Variants in STK39 observed in about 807,000 individuals in gnomAD.
The protein encoded by STK39 is serine/threonine kinase 39, also known as STE20/SPS1-related proline-alanine-rich protein kinase.
STK39 carries 20 observed loss-of-function variants against 77.8 expected under a neutral mutation model. That is an observed-to-expected ratio of 0.26 (90% CI 0.18 to 0.37). STK39 has a LOEUF of 0.37. STK39 is among the 10% of genes least tolerant of loss of function. The pLI, the probability that STK39 is intolerant of heterozygous loss-of-function variation, is 1.00. For synonymous variants in STK39, 246 were observed against 234.1 expected, an observed-to-expected ratio of 1.05 and a Z score of -0.47; for missense variants, 479 against 656.5, an observed-to-expected ratio of 0.73 and a Z score of 2.95.
At chr2:168,158,713 T>C (rs1688497168) in intron 5 of STK39, among the ~76,000 whole-genome samples, 1 of 152,214 alleles carries the variant, frequency 6.6e-6, no homozygotes, top group Non-Finnish European at 1.5e-5. Context: ...CACTGTAATT[T>C]AGTTTCTCCT....
chr2:168,132,314 G>C (rs923840606), intron 8 of STK39, among the ~76,000 whole-genome samples: 1 of 151,922 alleles, frequency 6.6e-6, no homozygotes, highest in African/African-American at 2.4e-5. Context: ...AAATAAAACA[G>C]CCCCTCAGCT....
intron 3 of STK39, 148 bp from the exon 4 acceptor site, chr2:168,164,028 G>A: frequency 8.1e-7 from 1 of 1,229,622 alleles, no homozygotes; most frequent in Non-Finnish European, 1.1e-6. Flanking sequence ...CAATTGAATG[G>A]GGGCCCCATG....
At chr2:168,177,012 C>A (rs1688971488) in intron 2 of STK39, among the ~76,000 whole-genome samples, 1 of 152,084 alleles carries the variant, frequency 6.6e-6, no homozygotes, top group East Asian at 1.9e-4. Flanking sequence ...AAATAAGGAC[C>A]AGTGGTGAAA....
intron 3 of STK39, among the ~76,000 whole-genome samples, chr2:168,165,473 T>C (rs1688672317): frequency 6.6e-6 from 1 of 152,174 alleles, no homozygotes; most frequent in Admixed American, 6.5e-5. Flanking sequence ...AAAAAGAGAA[T>C]GCCTTAAGAT....
intron 17 of STK39, among the ~76,000 whole-genome samples, chr2:167,956,090 C>A (rs1473762377): frequency 6.6e-6 from 1 of 152,108 alleles, no homozygotes; most frequent in Non-Finnish European, 1.5e-5. Context: ...TTAGAGAGAA[C>A]TGCTATATAA....
chr2:168,080,395 C>G (rs908111335), intron 10 of STK39, among the ~76,000 whole-genome samples: 2 of 151,994 alleles, frequency 1.3e-5, no homozygotes, highest in Non-Finnish European at 2.9e-5. Context: ...TTTGGGAGGC[C>G]GAGGTGGGCA....
In STK39 at chr2:168,039,464, C is replaced by T. The variant is rs1473368522; in HGVS notation, c.1377-22369G>A. The stretch of plus-strand genomic sequence containing the variant: ...AAAATTAGCCGGGCGCGGTGGCGGG[C>T]GCCTGTAGTCCCAGCTACTCGGGAG... On this transcript the variant is annotated intron_variant, in intron 14 of 17. Transcript: ENST00000355999. 2.8e-5 allele frequency among the ~76,000 whole-genome samples: 2 copies of T among 71,912 alleles called. 1 individual carries two copies. The highest frequency in any genetic ancestry group is 5.3e-4 in the East Asian group (2 of 3,756). 47.2% of individuals were successfully genotyped at this position (71,912 alleles called of 152,430 possible). A position where few individuals can be genotyped will look rare whatever the true frequency, so the allele number is the denominator to read the frequency against.
chr2:167,971,155 T>C (rs777028324), intron 16 of STK39, among the ~76,000 whole-genome samples: 9 of 152,102 alleles, frequency 5.9e-5, no homozygotes, highest in Middle Eastern at 3.2e-3. Flanking sequence ...CTGGAGATAG[T>C]GGGTAAGTTC....
At chr2:167,990,257 C>T (rs1252823333) in intron 16 of STK39, among the ~76,000 whole-genome samples, 1 of 152,140 alleles carries the variant, frequency 6.6e-6, no homozygotes, top group African/African-American at 2.4e-5. Context: ...ATGAAGGGCG[C>T]TGTTCACAAC....
chr2:167,987,662 T>G (rs1683595459), intron 16 of STK39, among the ~76,000 whole-genome samples: 1 of 152,156 alleles, frequency 6.6e-6, no homozygotes, highest in Non-Finnish European at 1.5e-5. Context: ...AAGACCATAC[T>G]GTGCTAAGTT....
At chr2:167,966,522 G>C (rs773613111) in intron 16 of STK39, among the ~76,000 whole-genome samples, 7 of 152,144 alleles carry the variant, frequency 4.6e-5, no homozygotes, top group Non-Finnish European at 1.0e-4. Flanking sequence ...TTACTGCCTT[G>C]TTCTGGGTCA....
chr2:168,215,104 G>A (rs1479618987), intron 1 of STK39, among the ~76,000 whole-genome samples: 4 of 152,130 alleles, frequency 2.6e-5, no homozygotes, highest in Admixed American at 1.3e-4. Flanking sequence ...CACAATGAAG[G>A]ATCAAAAATG....
intron 16 of STK39, among the ~76,000 whole-genome samples, chr2:168,010,555 A>C (rs1481431756): frequency 6.6e-6 from 1 of 152,246 alleles, no homozygotes; most frequent in African/African-American, 2.4e-5. Context: ...AAGATATATA[A>C]GGGAATACAA....
At chr2:168,231,291 G>GA (rs554433768) in intron 1 of STK39, among the ~76,000 whole-genome samples, 71 of 152,124 alleles carry the variant, frequency 4.7e-4, no homozygotes, top group African/African-American at 1.7e-3. Context: ...TTCTTCATAG[G>GA]AGGACTGACA....
chr2:167,956,688 ACACACACACTCTCTCTCT>A, intron 17 of STK39, among the ~76,000 whole-genome samples: 1 of 46,260 alleles, frequency 2.2e-5, no homozygotes, highest in African/African-American at 1.2e-4. Context: ...ACACACACAC[ACACACACACTCTCTCTCT>A]CTCTCTCTCT....
chr2:167,999,664 A>G (rs764030258), intron 16 of STK39, among the ~76,000 whole-genome samples: 5 of 152,006 alleles, frequency 3.3e-5, no homozygotes, highest in Admixed American at 1.3e-4. Flanking sequence ...GGGTTTCACC[A>G]TGTTAGCCAG....
At chr2:168,161,993 T>C (rs1489243421) in intron 4 of STK39, 151 bp from the exon 5 acceptor site, 1 of 599,272 alleles carries the variant, frequency 1.7e-6, no homozygotes, top group Non-Finnish European at 2.7e-6. Flanking sequence ...ATTTTAAAAG[T>C]TATAAGGATA....
intron 12 of STK39, among the ~76,000 whole-genome samples, chr2:168,068,357 T>G (rs1277631734): frequency 6.6e-6 from 1 of 152,210 alleles, no homozygotes; most frequent in Non-Finnish European, 1.5e-5. Flanking sequence ...TTCGTAGAGC[T>G]CTGCCTAATG....
intron 15 of STK39, 42 bp downstream of exon 15, chr2:168,017,001 G>A (rs2105319633): frequency 6.8e-7 from 1 of 1,479,122 alleles, no homozygotes; most frequent in Non-Finnish European, 9.3e-7. Flanking sequence ...TTTCTGCAAT[G>A]CTCTTTGAGG....
Sources: gnomAD v4.1 joint callset for allele counts (sites outside exome capture counted in the v4.1 genomes callset) on GRCh38, gnomAD v4.1.1 for gene constraint, MANE v1.5 for transcripts, NCBI Gene and HGNC (gene_info 2026-07-23, HGNC 2026-07-21) for gene names.